The following HIP1 variants were observed in gnomAD, a reference collection of about 807,000 sequenced individuals.
The protein encoded by HIP1 is huntingtin-interacting protein 1.
A neutral mutation model predicts 147.6 loss-of-function variants in HIP1; 65 were observed. The ratio of observed to expected loss-of-function variants is 0.44; its 90% CI spans 0.36 to 0.54. The LOEUF (loss-of-function observed/expected upper bound fraction) is 0.54, where lower values mean the gene tolerates loss of function less well. Ranked by LOEUF, HIP1 falls within the 20% of genes least tolerant of loss-of-function variation. HIP1 has a pLI of 0.00. For synonymous variants in HIP1, 479 were observed against 504.0 expected (o/e 0.95, Z 0.67); for missense variants, 1,061 against 1,299.6 (o/e 0.82, Z 2.82).
chr7:75,716,681 G>A (rs1156733986), intron 1 of HIP1, among the ~76,000 whole-genome samples: 8 of 150,594 alleles, frequency 5.3e-5, no homozygotes, highest in African/African-American at 1.7e-4. Flanking sequence ...CAACATGCCC[G>A]GCTAATTTTT....
chr7:75,734,245 CAAATAAATAAAT>C (rs57376870), intron 1 of HIP1, among the ~76,000 whole-genome samples: 25,919 of 140,064 alleles, frequency 0.19, 2,923 homozygotes, highest in East Asian at 0.46. Context: ...GACTCTGTCT[CAAATAAATAAAT>C]AAATAAATAA....
intron 1 of HIP1, among the ~76,000 whole-genome samples, chr7:75,728,354 C>T (rs1801719383): frequency 6.6e-6 from 1 of 152,210 alleles, no homozygotes; most frequent in Non-Finnish European, 1.5e-5. Flanking sequence ...CCTGGCTGCC[C>T]AGGCAGGAAA....
intron 1 of HIP1, among the ~76,000 whole-genome samples, chr7:75,678,753 G>A (rs2705801): frequency 0.57 from 87,370 of 152,016 alleles, 25,570 homozygotes; most frequent in African/African-American, 0.66. Flanking sequence ...AGCCAGGCCC[G>A]TGCTTTTCCA....
At chr7:75,616,584 GGGAGGAGGAGGAGGA>G (rs782489721) in intron 1 of HIP1, among the ~76,000 whole-genome samples, 3 of 145,966 alleles carry the variant, frequency 2.1e-5, no homozygotes, top group Non-Finnish European at 4.6e-5. Context: ...TTTAAGGGTG[GGGAGGAGGAGGAGGA>G]GGAGGAGGAG....
chr7:75,738,569 C>G (rs1563322550), intron 1 of HIP1, among the ~76,000 whole-genome samples: 1 of 152,156 alleles, frequency 6.6e-6, no homozygotes, highest in Non-Finnish European at 1.5e-5. Context: ...GGCCACGCAT[C>G]CTGCCATCTC....
At chr7:75,734,421 G>A (rs1563320324) in intron 1 of HIP1, among the ~76,000 whole-genome samples, 1 of 152,044 alleles carries the variant, frequency 6.6e-6, no homozygotes, top group Non-Finnish European at 1.5e-5. Context: ...ACTCCAGACT[G>A]GACAATAGAG....
chr7:75,666,639 G>A (rs930834946), intron 1 of HIP1, among the ~76,000 whole-genome samples: 2 of 152,182 alleles, frequency 1.3e-5, no homozygotes, highest in African/African-American at 2.4e-5. Context: ...TAGATAGAGC[G>A]GGTGTTACTG....
intron 1 of HIP1, among the ~76,000 whole-genome samples, chr7:75,661,384 C>T (rs762655929): frequency 6.6e-6 from 1 of 150,912 alleles, no homozygotes; most frequent in Non-Finnish European, 1.5e-5. Context: ...ACCAGCCTGG[C>T]CAACATGGTG....
At chr7:75,544,515 A>ACC (rs1563190496) in intron 27 of HIP1, among the ~76,000 whole-genome samples, 180 bp downstream of exon 27, 2 of 151,982 alleles carry the variant, frequency 1.3e-5, no homozygotes, top group African/African-American at 4.8e-5. Flanking sequence ...GTACTCTCTA[A>ACC]CCCCTTAGTA....
intron 1 of HIP1, among the ~76,000 whole-genome samples, chr7:75,624,389 ACTT>A (rs1218521457): frequency 1.3e-5 from 2 of 152,102 alleles, no homozygotes; most frequent in African/African-American, 2.4e-5. Flanking sequence ...TCTCCCTTCT[ACTT>A]CTTCTGTCTT....
At chr7:75,632,561 CTT>C (rs58364410) in intron 1 of HIP1, among the ~76,000 whole-genome samples, 65 of 134,262 alleles carry the variant, frequency 4.8e-4, no homozygotes, top group Admixed American at 9.3e-4. Context: ...CTAATTTTTT[CTT>C]TTTTTTTTTT....
At chr7:75,581,102 T>A (rs189309384) in intron 7 of HIP1, 135 bp downstream of exon 7, 187 of 669,744 alleles carry the variant, frequency 2.8e-4, no homozygotes, top group African/African-American at 2.6e-3. Flanking sequence ...TGCACGAGGG[T>A]TGGAGAGACC....
chr7:75,682,319 C>A (rs1197530896), intron 1 of HIP1, among the ~76,000 whole-genome samples: 2 of 151,730 alleles, frequency 1.3e-5, no homozygotes, highest in South Asian at 4.2e-4. Context: ...TGCAGTGGTG[C>A]GATCATAGCT....
At chr7:75,553,297 C>G (rs1794857049) in intron 22 of HIP1, among the ~76,000 whole-genome samples, 156 bp downstream of exon 22, 1 of 152,110 alleles carries the variant, frequency 6.6e-6, no homozygotes, top group African/African-American at 2.4e-5. Context: ...TAAATCACTG[C>G]ACCCGGCCAG....
chr7:75,613,140 GAAAGA>G (rs1179311815), intron 1 of HIP1, among the ~76,000 whole-genome samples: 3 of 151,948 alleles, frequency 2.0e-5, no homozygotes, highest in Non-Finnish European at 4.4e-5. Context: ...AAACTAGAAA[GAAAGA>G]AAAGAAAATT....
intron 1 of HIP1, among the ~76,000 whole-genome samples, chr7:75,727,396 TTTTC>T (rs1440580521): frequency 4.0e-5 from 6 of 151,836 alleles, no homozygotes; most frequent in African/African-American, 9.7e-5. Flanking sequence ...GTGCCTGGCC[TTTTC>T]TTTCTTTCTT....
chr7:75,693,536 T>C (rs1028905997), intron 1 of HIP1, among the ~76,000 whole-genome samples: 5 of 152,066 alleles, frequency 3.3e-5, no homozygotes, highest in African/African-American at 1.2e-4. Context: ...TTTGCTCTGT[T>C]TTCACCCTTT....
chr7:75,642,489 C>T (rs1385300133), intron 1 of HIP1, among the ~76,000 whole-genome samples: 4 of 152,064 alleles, frequency 2.6e-5, no homozygotes, highest in Non-Finnish European at 4.4e-5. Flanking sequence ...GAGCTGAGAT[C>T]GCACCACTGC....
chr7:75,583,824 C>T (rs1476290456), intron 5 of HIP1, among the ~76,000 whole-genome samples: 4 of 145,462 alleles, frequency 2.7e-5, no homozygotes, highest in Non-Finnish European at 4.5e-5. Context: ...GATGGGGTTT[C>T]GCCACATTGG....
Sources: gnomAD v4.1 joint callset for allele counts (sites outside exome capture counted in the v4.1 genomes callset) on GRCh38, gnomAD v4.1.1 for gene constraint, MANE v1.5 for transcripts, NCBI Gene and HGNC (gene_info 2026-07-23, HGNC 2026-07-21) for gene names.